CPED1: variants seen among roughly 807,000 people sequenced by gnomAD.
The protein encoded by CPED1 is cadherin-like and PC-esterase domain-containing protein 1.
CPED1 carries 114 observed loss-of-function variants against 128.2 expected under a neutral mutation model. The observed-to-expected ratio is 0.89, with a 90% CI of 0.76 to 1.04. The LOEUF (loss-of-function observed/expected upper bound fraction) is 1.04, where lower values mean the gene tolerates loss of function less well. Among genes scored for constraint, CPED1 ranks in the 50% least tolerant of loss-of-function variants. The pLI is 0.00. For missense variants in CPED1, 1,211 were observed against 1,207.1 expected, an observed-to-expected ratio of 1.00 and a Z score of -0.05; for synonymous variants, 462 against 426.7, an observed-to-expected ratio of 1.08 and a Z score of -1.02.
At chr7:121,034,253 T>TTC (rs918223330) in intron 3 of CPED1, among the ~76,000 whole-genome samples, 2 of 143,158 alleles carry the variant, frequency 1.4e-5, no homozygotes, top group South Asian at 2.3e-4. Context: ...TTTTCTTTTT[T>TTC]TTTTTTTTTT....
At chr7:121,287,971 T>G (rs1479400896) in intron 22 of CPED1, among the ~76,000 whole-genome samples, 2 of 152,180 alleles carry the variant, frequency 1.3e-5, no homozygotes, top group East Asian at 1.9e-4. Flanking sequence ...CTTTATAATA[T>G]CTAATTATTT....
intron 5 of CPED1, among the ~76,000 whole-genome samples, chr7:121,093,822 G>A (rs1000674613): frequency 2.2e-4 from 33 of 151,892 alleles, no homozygotes; most frequent in Admixed American, 3.9e-4. Flanking sequence ...CCATTTTGTC[G>A]GCCCTGGGGA....
At chr7:121,288,296 G>A (rs752309427) in intron 22 of CPED1, among the ~76,000 whole-genome samples, 4 of 152,122 alleles carry the variant, frequency 2.6e-5, no homozygotes, top group Non-Finnish European at 5.9e-5. Context: ...CTACAAAATA[G>A]TTTCCAAGGG....
chr7:121,086,428 C>T (rs1280383852), intron 5 of CPED1, among the ~76,000 whole-genome samples: 3 of 152,098 alleles, frequency 2.0e-5, no homozygotes, highest in African/African-American at 7.2e-5. Context: ...ATTGAAACAA[C>T]ATTTTAAGCC....
At chr7:121,286,135 G>A (rs1326526663) in intron 22 of CPED1, among the ~76,000 whole-genome samples, 3 of 152,138 alleles carry the variant, frequency 2.0e-5, no homozygotes, top group Admixed American at 2.0e-4. Context: ...TGAAGCAGGG[G>A]AAAGCTCCTC....
At chr7:121,179,632 G>A (rs912751600) in intron 16 of CPED1, among the ~76,000 whole-genome samples, 1 of 151,910 alleles carries the variant, frequency 6.6e-6, no homozygotes, top group Non-Finnish European at 1.5e-5. Flanking sequence ...TTGTTTACAT[G>A]AATTGAAATG....
At chr7:121,005,179 G>A (rs1791976096) in intron 2 of CPED1, among the ~76,000 whole-genome samples, 1 of 152,170 alleles carries the variant, frequency 6.6e-6, no homozygotes, top group Non-Finnish European at 1.5e-5. Context: ...AACATGTGGA[G>A]TTTGGTTTTC....
At chr7:121,048,148 A>C (rs1442753421) in intron 4 of CPED1, among the ~76,000 whole-genome samples, 1 of 152,078 alleles carries the variant, frequency 6.6e-6, no homozygotes. Flanking sequence ...AAATTTCAAC[A>C]ACCATTTGTA....
rs1377421062 is a variant in CPED1, at chr7:121,259,976, A to G, written c.2311-6251A>G. Among the ~76,000 whole-genome samples, 5 of 152,004 alleles carry G rather than the reference A, an allele frequency of 3.3e-5. No homozygotes were observed. The East Asian group carries it at 9.7e-4, about 29-fold the overall frequency. ...GGCTAATTTAAAATAATATGTTCTG[A>G]CTAATATGTGAATTCCATTATGGTT... On this transcript the variant is annotated intron_variant, in intron 18 of 22. Coordinates refer to ENST00000310396, the MANE Select transcript of CPED1 (RefSeq NM_024913.5).
chr7:121,023,017 C>CA (rs948939769), intron 3 of CPED1, among the ~76,000 whole-genome samples: 2,838 of 141,274 alleles, frequency 0.02, 77 homozygotes, highest in African/African-American at 0.068. Context: ...AGTAAGTGGC[C>CA]AAAAAAAAAA....
chr7:121,212,696 G>GA (rs34133954), intron 16 of CPED1, among the ~76,000 whole-genome samples: 99,066 of 150,914 alleles, frequency 0.66, 32,667 homozygotes, highest in East Asian at 0.88. Flanking sequence ...GAATTCATTG[G>GA]AAAAAAAAAT....
intron 16 of CPED1, among the ~76,000 whole-genome samples, chr7:121,216,838 A>G (rs1797769782): frequency 1.3e-5 from 2 of 152,038 alleles, no homozygotes; most frequent in Non-Finnish European, 1.5e-5. Flanking sequence ...GTCCACAGCA[A>G]TTATCATATT....
Position 121,119,119 on chromosome 7 carries a change from A to G in CPED1, c.919-5212A>G, listed in dbSNP as rs548174445. On this transcript the variant is annotated intron_variant, in intron 7 of 22. Coordinates refer to ENST00000310396, the MANE Select transcript of CPED1 (RefSeq NM_024913.5). ...ACTAATTATGTATGACCAATAATTT[A>G]AACTATTTGGAAGAACTTTTTTTTT... Among the ~76,000 whole-genome samples, 26 of 147,666 alleles carry G rather than the reference A, an allele frequency of 1.8e-4. No homozygotes were observed. In the East Asian group the frequency reaches 5.1e-3, roughly 29 times the overall value.
intron 4 of CPED1, chr7:121,051,876 G>A (rs567032404): frequency 1.2e-4 from 18 of 156,166 alleles, no homozygotes; most frequent in African/African-American, 3.9e-4. Flanking sequence ...CTGGAAAGTC[G>A]CTGGAATAAC....
At chr7:121,287,940 T>C (rs1792619011) in intron 22 of CPED1, among the ~76,000 whole-genome samples, 1 of 152,240 alleles carries the variant, frequency 6.6e-6, no homozygotes, top group Non-Finnish European at 1.5e-5. Context: ...GCAGTAAAGC[T>C]ATACAATTTT....
intron 18 of CPED1, among the ~76,000 whole-genome samples, chr7:121,251,288 A>G (rs1349257354): frequency 6.6e-6 from 1 of 152,220 alleles, no homozygotes; most frequent in East Asian, 1.9e-4. Context: ...AAAACTCTCA[A>G]TAAATTAGGT....
chr7:121,116,394 T>G (rs1795234590), intron 7 of CPED1, among the ~76,000 whole-genome samples: 1 of 152,228 alleles, frequency 6.6e-6, no homozygotes, highest in Non-Finnish European at 1.5e-5. Context: ...AAACAAATGA[T>G]GAGAGTATTT....
chr7:121,053,224 T>A (rs1006506087), intron 4 of CPED1, among the ~76,000 whole-genome samples: 1 of 152,138 alleles, frequency 6.6e-6, no homozygotes, highest in African/African-American at 2.4e-5. Context: ...TTAAAAAAAA[T>A]GTTTGCCCCT....
Position 121,187,513 on chromosome 7 carries a change from T to A in CPED1, c.2055+45372T>A, listed in dbSNP as rs1373143192. 2.0e-5 allele frequency among the ~76,000 whole-genome samples: 3 copies of A among 152,020 alleles called. No individual in the cohort carries two copies. In the East Asian group the frequency reaches 5.8e-4, roughly 29 times the overall value. ...GGATAGATCACATGTGCTTTGTAGG[T>A]GATGGCAGGAGTGTTAGGTTTTGTG... On this transcript the variant is annotated intron_variant, in intron 16 of 22. Transcript: ENST00000310396.
Sources: gnomAD v4.1 joint callset for allele counts (sites outside exome capture counted in the v4.1 genomes callset) on GRCh38, gnomAD v4.1.1 for gene constraint, MANE v1.5 for transcripts, NCBI Gene and HGNC (gene_info 2026-07-23, HGNC 2026-07-21) for gene names.